FHIT: variants seen among roughly 807,000 people sequenced by gnomAD.
FHIT encodes bis(5'-adenosyl)-triphosphatase.
FHIT carries 19 observed loss-of-function variants against 17.9 expected under a neutral mutation model. The observed-to-expected ratio is 1.06, with a 90% confidence interval of 0.74 to 1.56. FHIT has a LOEUF of 1.56. Ranked by LOEUF, FHIT falls within the 40% of genes most tolerant of loss-of-function variation. The pLI is 0.00. For synonymous variants in FHIT, 81 were observed against 69.7 expected (o/e 1.16, Z -0.81); for missense variants, 248 against 189.2 (o/e 1.31, Z -1.82).
intron 8 of FHIT, among the ~76,000 whole-genome samples, chr3:59,914,202 C>CTT (rs61018838): frequency 1.1e-4 from 17 of 150,830 alleles, no homozygotes; most frequent in African/African-American, 2.2e-4. Context: ...GAGATATTTA[C>CTT]TTTTTTTTTG....
chr3:60,245,992 A>T (rs1471659941), intron 5 of FHIT, among the ~76,000 whole-genome samples: 2 of 152,084 alleles, frequency 1.3e-5, no homozygotes, highest in Non-Finnish European at 2.9e-5. Flanking sequence ...ATTTTCTTAA[A>T]TTTGCCTATG....
chr3:60,048,392 G>A (rs971824123), intron 5 of FHIT, among the ~76,000 whole-genome samples: 7 of 150,956 alleles, frequency 4.6e-5, no homozygotes, highest in Admixed American at 3.9e-4. Flanking sequence ...TAGCCAGGAT[G>A]GGCTCGATCT....
intron 4 of FHIT, among the ~76,000 whole-genome samples, chr3:60,567,055 A>G (rs1429310031): frequency 6.7e-6 from 1 of 149,584 alleles, no homozygotes; most frequent in Non-Finnish European, 1.5e-5. Flanking sequence ...TATAGATTCA[A>G]TGTCATCCCC....
At chr3:60,495,295 C>CAA (rs1260405043) in intron 5 of FHIT, among the ~76,000 whole-genome samples, 1 of 152,108 alleles carries the variant, frequency 6.6e-6, no homozygotes, top group Non-Finnish European at 1.5e-5. Context: ...GCAAATGCTT[C>CAA]AAGTACATTC....
At chr3:61,086,750 C>G (rs1305305351) in intron 2 of FHIT, among the ~76,000 whole-genome samples, 1 of 151,844 alleles carries the variant, frequency 6.6e-6, no homozygotes, top group East Asian at 1.9e-4. Flanking sequence ...TATTAGCTAC[C>G]CTATCATTAC....
chr3:60,563,847 G>C (rs1584340), intron 4 of FHIT, among the ~76,000 whole-genome samples: 6 of 152,200 alleles, frequency 3.9e-5, no homozygotes, highest in Admixed American at 3.9e-4. Flanking sequence ...ATAAAATGTC[G>C]AGGTGAAGCA....
intron 8 of FHIT, among the ~76,000 whole-genome samples, chr3:59,910,654 T>C (rs1373834244): frequency 2.6e-5 from 4 of 151,604 alleles, no homozygotes; most frequent in East Asian, 3.9e-4. Flanking sequence ...AAAGAAAAAA[T>C]AGGGGGAGGA....
chr3:60,043,809 C>T (rs1242570478), intron 5 of FHIT, among the ~76,000 whole-genome samples: 1 of 152,138 alleles, frequency 6.6e-6, no homozygotes, highest in Non-Finnish European at 1.5e-5. Flanking sequence ...GCAAAAAAGT[C>T]CGACCCAGCT....
rs138972972 is a variant in FHIT at position 59,998,442 on chromosome 3, G to C, written c.279+12929C>G. Among the ~76,000 whole-genome samples the C allele has an allele frequency of 5.6e-3, 848 of 152,262 alleles. 3 individuals are homozygous for C. The highest frequency in any genetic ancestry group is 9.1e-3 in the Non-Finnish European group (621 of 68,006). On this transcript the variant is annotated intron_variant, in intron 7 of 9. Coordinates refer to ENST00000492590, the MANE Select transcript of FHIT (RefSeq NM_002012.4). The stretch of plus-strand genomic sequence containing the variant: ...AGAGGAAAAGCCTAGAAAAGGCAGA[G>C]ACACTAGTACTATACCACTTCCACT...
In FHIT at chr3:60,024,932, A is replaced by G. The variant is rs540027137; in HGVS notation, c.104-10780T>C. Among the ~76,000 whole-genome samples, 23 of 152,312 alleles carry G rather than the reference A, an allele frequency of 1.5e-4. No individual in the cohort carries two copies. In the East Asian group the frequency reaches 1.7e-3, roughly 11 times the overall value. On this transcript the variant is annotated intron_variant, in intron 5 of 9. Transcript: ENST00000492590. ...GCTGAAGGCCACTGGGAATATCTTT[A>G]TTGCAGACTAGGTAAAAGATTCAAA...
intron 2 of FHIT, among the ~76,000 whole-genome samples, chr3:61,110,007 A>G (rs935966765): frequency 2.0e-5 from 3 of 152,242 alleles, no homozygotes; most frequent in Admixed American, 1.3e-4. Flanking sequence ...AAGGGCTACA[A>G]TAATTCCCCA....
chr3:60,678,538 T>C (rs756965463), intron 4 of FHIT, among the ~76,000 whole-genome samples: 1 of 152,148 alleles, frequency 6.6e-6, no homozygotes, highest in African/African-American at 2.4e-5. Context: ...ATGTAACTGA[T>C]AGATTTTCCT....
intron 4 of FHIT, among the ~76,000 whole-genome samples, chr3:60,699,486 C>T (rs987122834): frequency 6.6e-6 from 1 of 152,024 alleles, no homozygotes; most frequent in Non-Finnish European, 1.5e-5. Flanking sequence ...GAGAGTTTTA[C>T]TGGTGTTTTA....
intron 5 of FHIT, among the ~76,000 whole-genome samples, chr3:60,383,744 T>C (rs149012226): frequency 4.6e-5 from 7 of 152,336 alleles, no homozygotes; most frequent in Admixed American, 3.9e-4. Flanking sequence ...GTACATCTAC[T>C]ATAAAAATAG....
At chr3:59,967,586 G>A (rs1018517154) in intron 7 of FHIT, among the ~76,000 whole-genome samples, 1 of 152,148 alleles carries the variant, frequency 6.6e-6, no homozygotes, top group Non-Finnish European at 1.5e-5. Flanking sequence ...AACCTTACAA[G>A]CTTGATAAAA....
chr3:60,704,241 G>T (rs1325172634), intron 4 of FHIT, among the ~76,000 whole-genome samples: 1 of 152,072 alleles, frequency 6.6e-6, no homozygotes, highest in African/African-American at 2.4e-5. Flanking sequence ...AACCTAGATG[G>T]TTTGTCTTCA....
chr3:60,419,924 C>G (rs1702407205), intron 5 of FHIT, among the ~76,000 whole-genome samples: 1 of 151,956 alleles, frequency 6.6e-6, no homozygotes, highest in African/African-American at 2.4e-5. Flanking sequence ...AAACAAAGAC[C>G]AAAAAATGAA....
intron 5 of FHIT, among the ~76,000 whole-genome samples, chr3:60,355,194 T>C (rs1699594988): frequency 6.6e-6 from 1 of 152,186 alleles, no homozygotes; most frequent in African/African-American, 2.4e-5. Context: ...CATGTAACAC[T>C]GGAACAAAAT....
chr3:61,156,198 T>A (rs1470110688), intron 2 of FHIT, among the ~76,000 whole-genome samples: 1 of 152,232 alleles, frequency 6.6e-6, no homozygotes, highest in Non-Finnish European at 1.5e-5. Flanking sequence ...TTTTGCTTTT[T>A]ATCCTGCTGT....
Sources: gnomAD v4.1 joint callset for allele counts (sites outside exome capture counted in the v4.1 genomes callset) on GRCh38, gnomAD v4.1.1 for gene constraint, MANE v1.5 for transcripts, NCBI Gene and HGNC (gene_info 2026-07-23, HGNC 2026-07-21) for gene names.